The following HMBOX1 variants were observed in gnomAD, a reference collection of about 807,000 sequenced individuals.
HMBOX1 encodes the protein homeobox-containing protein 1.
Under a neutral mutation model 54.5 loss-of-function variants are expected in HMBOX1, and 14 were observed. That is an observed-to-expected ratio of 0.26 (90% confidence interval 0.17 to 0.40). The LOEUF (loss-of-function observed/expected upper bound fraction) is 0.40. Ranked by LOEUF, HMBOX1 falls within the 10% of genes least tolerant of loss-of-function variation. The probability of loss-of-function intolerance (pLI) is 1.00; values close to 1 mark genes in which losing one functional copy is unlikely to be tolerated. For synonymous variants in HMBOX1, 160 were observed against 181.0 expected (o/e 0.88, Z 0.93); for missense variants, 332 against 514.4 (o/e 0.65, Z 3.43).
Position 28,970,289 on chromosome 8 carries a change from A to G in HMBOX1, c.270A>G (p.Thr90=). The G allele has an allele frequency of 1.9e-6, 3 of 1,614,222 alleles. No individual in the cohort carries two copies. Among genetic ancestry groups the G allele is most frequent in the African/African-American group, 2.7e-5 (2 of 75,058 alleles). The change falls in exon 3 of 10, where the codon ACA becomes ACG. Residue 90 remains threonine (T), a synonymous_variant. Transcript: ENST00000287701. The surrounding 1 kb of genome is among the most constrained non-coding windows in gnomAD (Gnocchi z 4.3). ...PASSSTATAS[T]QTQHSGMSPS... is the part of the protein sequence containing the mutation. ...CTTCCTCTACAGCTACAGCTTCCAC[A>G]CAGACGCAGCATTCGGGAATGTCCC...
intron 1 of HMBOX1, among the ~76,000 whole-genome samples, chr8:28,930,438 G>A (rs1819291462): frequency 6.6e-6 from 1 of 152,124 alleles, no homozygotes; most frequent in Non-Finnish European, 1.5e-5. Context: ...TCTTAGACGT[G>A]TAGATACTGC....
At chr8:28,928,984 G>A (rs1344512383) in intron 1 of HMBOX1, among the ~76,000 whole-genome samples, 2 of 152,068 alleles carry the variant, frequency 1.3e-5, no homozygotes, top group African/African-American at 2.4e-5. Context: ...AGATGAATAC[G>A]TTCTGGAGAC....
At chr8:29,001,364 A>G (rs879654095) in intron 4 of HMBOX1, among the ~76,000 whole-genome samples, 13 of 152,340 alleles carry the variant, frequency 8.5e-5, no homozygotes, top group South Asian at 2.1e-4. Flanking sequence ...AGCCTGGCCA[A>G]TGTGGCAAAA....
intron 1 of HMBOX1, among the ~76,000 whole-genome samples, chr8:28,957,934 A>G (rs1403750727): frequency 6.6e-6 from 1 of 152,036 alleles, no homozygotes; most frequent in African/African-American, 2.4e-5. Flanking sequence ...CCTAGGTCCT[A>G]TTTTTAAATT....
intron 6 of HMBOX1, among the ~76,000 whole-genome samples, chr8:29,040,781 T>G (rs1804696389): frequency 6.6e-6 from 1 of 152,150 alleles, no homozygotes; most frequent in Admixed American, 6.5e-5. Flanking sequence ...GTTACTGATT[T>G]CCTTTTTTAC....
chr8:28,942,316 G>C (rs1387960180), intron 1 of HMBOX1, among the ~76,000 whole-genome samples: 1 of 152,148 alleles, frequency 6.6e-6, no homozygotes, highest in Admixed American at 6.5e-5. Context: ...TGGAGGGAGG[G>C]GGTCATTGCC....
chr8:28,898,380 C>A (rs2131541484), intron 1 of HMBOX1, among the ~76,000 whole-genome samples: 1 of 152,058 alleles, frequency 6.6e-6, no homozygotes, highest in African/African-American at 2.4e-5. Flanking sequence ...ATTATTTTTT[C>A]CTCCTTGGAT....
chr8:29,026,118 A>G (rs1586573007), intron 6 of HMBOX1, among the ~76,000 whole-genome samples: 1 of 151,676 alleles, frequency 6.6e-6, no homozygotes, highest in Admixed American at 6.6e-5. Context: ...GAGCACTTCA[A>G]TGATATGTAT....
At chr8:28,989,335 CTG>C (rs754444235) in intron 4 of HMBOX1, among the ~76,000 whole-genome samples, 1 of 151,656 alleles carries the variant, frequency 6.6e-6, no homozygotes, top group Non-Finnish European at 1.5e-5. Flanking sequence ...ATGTTTTCCT[CTG>C]TAAGTTTTAT....
intron 5 of HMBOX1, among the ~76,000 whole-genome samples, 198 bp from the exon 6 acceptor site, chr8:29,018,562 C>G (rs1047223114): frequency 2.0e-5 from 3 of 152,184 alleles, no homozygotes; most frequent in Admixed American, 2.0e-4. Flanking sequence ...GTAAAAGATT[C>G]TGAACATCTG....
At position 28,929,287 on chromosome 8, in the gene HMBOX1, G is replaced by A. The variant is rs999533496; in HGVS notation, c.-57-34524G>A. 2.0e-5 allele frequency among the ~76,000 whole-genome samples: 3 copies of A among 152,150 alleles called. No individual in the cohort carries two copies. In the East Asian group the frequency reaches 5.8e-4, roughly 29 times the overall value. ...CGTAAGAGCAGTGAAAGCATATGAA[G>A]TGTTTTAAGCAAGTTGAAGGGTATG... On this transcript the variant is annotated intron_variant, in intron 1 of 9. Transcript: ENST00000287701.
At chr8:28,904,227 A>C (rs1813805522) in intron 1 of HMBOX1, among the ~76,000 whole-genome samples, 1 of 151,496 alleles carries the variant, frequency 6.6e-6, no homozygotes, top group Non-Finnish European at 1.5e-5. Context: ...TCAAATCTTA[A>C]TATTTTATTT....
chr8:28,896,993 CT>C (rs1409990787), intron 1 of HMBOX1, among the ~76,000 whole-genome samples: 1 of 69,100 alleles, frequency 1.4e-5, no homozygotes, highest in Non-Finnish European at 3.0e-5. Context: ...TTTTTTTTTT[CT>C]TTTTTTTGAG....
chr8:29,012,161 T>G (rs1834307987), intron 5 of HMBOX1, among the ~76,000 whole-genome samples: 1 of 152,236 alleles, frequency 6.6e-6, no homozygotes, highest in Non-Finnish European at 1.5e-5. Context: ...TGACATTTAT[T>G]ATAAAGGCAA....
intron 3 of HMBOX1, among the ~76,000 whole-genome samples, chr8:28,972,729 C>T (rs1199234913): frequency 6.6e-6 from 1 of 152,096 alleles, no homozygotes; most frequent in Non-Finnish European, 1.5e-5. Context: ...GTAAAAGTCT[C>T]TAGAAGATTG....
In HMBOX1 at chr8:28,970,031, C is replaced by CTTTTTTTTTT. The variant is rs553430951; in HGVS notation, c.24-3_24-2insTTTTTTTTTT. 1 of 1,495,186 alleles carries CTTTTTTTTTT rather than the reference C, an allele frequency of 6.7e-7. No homozygotes were observed. The highest frequency in any genetic ancestry group is 1.8e-5 in the Admixed American group (1 of 55,990). The allele number at this position is 1,495,186 out of a possible 1,614,324, so 92.6% of individuals were successfully genotyped here. On this transcript the variant is annotated splice_polypyrimidine_tract_variant and intron_variant, in intron 2 of 9. Coordinates refer to ENST00000287701, the MANE Select transcript of HMBOX1 (RefSeq NM_001135726.3). The surrounding 1 kb of genome is among the most constrained non-coding windows in gnomAD (Gnocchi z 4.3). ...TCAATAAAGAGACTTCTTTTTATCT[C>CTTTTTTTTTT]TTTTTTTTTAGTTTGCTGGAAACCA...
At chr8:29,003,245 C>T (rs1001407275) in intron 4 of HMBOX1, among the ~76,000 whole-genome samples, 2 of 151,696 alleles carry the variant, frequency 1.3e-5, no homozygotes, top group Non-Finnish European at 2.9e-5. Flanking sequence ...ATTTATTTGT[C>T]TGCAGAAGGT....
intron 3 of HMBOX1, among the ~76,000 whole-genome samples, chr8:28,976,241 A>G (rs953084846): frequency 3.3e-5 from 5 of 152,208 alleles, no homozygotes. Flanking sequence ...AGTTTCATAA[A>G]ATAATAGTCA....
intron 4 of HMBOX1, among the ~76,000 whole-genome samples, chr8:28,991,564 A>G (rs1717823537): frequency 1.3e-5 from 2 of 152,220 alleles, no homozygotes; most frequent in Admixed American, 6.5e-5. Flanking sequence ...CCCCAAGCTC[A>G]TCATTGTTCT....
Sources: allele counts gnomAD v4.1 joint callset (sites outside exome capture counted in the v4.1 genomes callset), GRCh38; gene constraint gnomAD v4.1.1; non-coding constraint Gnocchi (gnomAD v3.1); transcripts MANE v1.5; gene names NCBI Gene and HGNC (gene_info 2026-07-23, HGNC 2026-07-21).